Variants in RAI14 observed in about 807,000 individuals in gnomAD.
RAI14 encodes retinoic acid induced 14.
RAI14 carries 45 observed loss-of-function variants against 115.4 expected under a neutral mutation model. That is an observed-to-expected ratio of 0.39 (90% confidence interval 0.31 to 0.50). RAI14 has a LOEUF of 0.50. Ranked by LOEUF, RAI14 falls within the 20% of genes least tolerant of loss-of-function variation. The probability of loss-of-function intolerance (pLI) is 0.85; values close to 1 mark genes in which losing one functional copy is unlikely to be tolerated. For synonymous variants in RAI14, 371 were observed against 415.4 expected, an observed-to-expected ratio of 0.89 and a Z score of 1.30; for missense variants, 939 against 1,131.2, an observed-to-expected ratio of 0.83 and a Z score of 2.44.
chr5:34,706,141 C>T (rs1740675963), intron 2 of RAI14, among the ~76,000 whole-genome samples: 1 of 152,118 alleles, frequency 6.6e-6, no homozygotes, highest in Non-Finnish European at 1.5e-5. Flanking sequence ...AATTGTTCTG[C>T]CCTAGTGTTA....
intron 2 of RAI14, among the ~76,000 whole-genome samples, chr5:34,735,438 A>G (rs1396413456): frequency 1.3e-5 from 2 of 152,172 alleles, no homozygotes; most frequent in Admixed American, 6.5e-5. Flanking sequence ...TACATTTTTC[A>G]TCATCTCTGA....
intron 2 of RAI14, among the ~76,000 whole-genome samples, chr5:34,692,646 T>A (rs1367161181): frequency 6.6e-6 from 1 of 151,526 alleles, no homozygotes; most frequent in African/African-American, 2.4e-5. Flanking sequence ...TTTAAAAAAA[T>A]CAGCAATGAC....
intron 4 of RAI14, among the ~76,000 whole-genome samples, chr5:34,803,368 C>A (rs540440876): frequency 6.6e-6 from 1 of 152,062 alleles, no homozygotes; most frequent in African/African-American, 2.4e-5. Context: ...CGCAACGTGG[C>A]GAAATCTCAT....
At chr5:34,819,749 G>T (rs1580361069) in intron 13 of RAI14, among the ~76,000 whole-genome samples, 1 of 152,068 alleles carries the variant, frequency 6.6e-6, no homozygotes, top group Admixed American at 6.5e-5. Flanking sequence ...GCAGAACTTA[G>T]AAATATTTTT....
chr5:34,721,955 C>G (rs911705589), intron 2 of RAI14, among the ~76,000 whole-genome samples: 1 of 152,126 alleles, frequency 6.6e-6, no homozygotes, highest in African/African-American at 2.4e-5. Context: ...GTAATCCACC[C>G]ACCTCGGCCT....
chr5:34,821,328 T>C (rs1299265425), intron 13 of RAI14, among the ~76,000 whole-genome samples: 1 of 152,186 alleles, frequency 6.6e-6, no homozygotes, highest in African/African-American at 2.4e-5. Flanking sequence ...TGATAAAGTC[T>C]TAACTACAGT....
intron 1 of RAI14, among the ~76,000 whole-genome samples, chr5:34,663,652 A>G (rs1175167055): frequency 6.6e-6 from 1 of 152,226 alleles, no homozygotes. Context: ...TGTCCAGTAG[A>G]GTATCTGCCA....
At chr5:34,679,549 A>G in intron 1 of RAI14, among the ~76,000 whole-genome samples, 1 of 152,190 alleles carries the variant, frequency 6.6e-6, no homozygotes, top group East Asian at 1.9e-4. Context: ...TTCTAGAATC[A>G]GGCTGAGAAA....
At position 34,830,874 on chromosome 5, in the gene RAI14, A is replaced by T; in HGVS notation, c.*109A>T. The T allele has an allele frequency of 1.3e-6, 2 of 1,524,072 alleles. No individual in the cohort carries two copies. 94.4% of individuals were successfully genotyped at this position (1,524,072 alleles called of 1,614,324 possible). ...TCATTCGTGGTATGCACTGTGGCCT[A>T]GCGTAGCTTCTTCCCTTTCCAAAGG... On this transcript the variant is annotated 3_prime_UTR_variant, in exon 18 of 18. Transcript: ENST00000265109.
intron 3 of RAI14, among the ~76,000 whole-genome samples, chr5:34,787,932 T>C (rs1268713032): frequency 1.6e-5 from 2 of 128,752 alleles, no homozygotes; most frequent in East Asian, 4.3e-4. Context: ...TTTTTTTTTT[T>C]TGAGACAGGG....
intron 3 of RAI14, among the ~76,000 whole-genome samples, chr5:34,758,928 A>G (rs1392159792): frequency 1.3e-5 from 2 of 152,170 alleles, no homozygotes; most frequent in Non-Finnish European, 2.9e-5. Flanking sequence ...CCAAGGGGTA[A>G]GAAACCTGGG....
intron 2 of RAI14, among the ~76,000 whole-genome samples, chr5:34,752,713 G>GTA (rs1747221247): frequency 1.3e-5 from 1 of 75,522 alleles, no homozygotes; most frequent in African/African-American, 5.4e-5. Context: ...ATGTGTGTGT[G>GTA]TGTGTGTGTG....
intron 3 of RAI14, among the ~76,000 whole-genome samples, chr5:34,790,388 C>G (rs1172675963): frequency 6.6e-6 from 1 of 152,160 alleles, no homozygotes; most frequent in East Asian, 1.9e-4. Context: ...GTGCCTATTT[C>G]TTCTGCATTT....
At chr5:34,728,183 C>T (rs1743718184) in intron 2 of RAI14, among the ~76,000 whole-genome samples, 1 of 152,168 alleles carries the variant, frequency 6.6e-6, no homozygotes, top group Admixed American at 6.5e-5. Context: ...TGTCTGTACC[C>T]CCACTGTATC....
At chr5:34,784,088 G>T (rs1751999976) in intron 3 of RAI14, among the ~76,000 whole-genome samples, 1 of 152,238 alleles carries the variant, frequency 6.6e-6, no homozygotes, top group Non-Finnish European at 1.5e-5. Context: ...CATTTGGCAA[G>T]TTGGGCGTCG....
At position 34,757,598 on chromosome 5, in the gene RAI14, C is replaced by G. The variant is rs770822671; in HGVS notation, c.167C>G (p.Ala56Gly). 6.2e-7 allele frequency: 1 copy of G among 1,605,882 alleles called. No individual in the cohort carries two copies. Among genetic ancestry groups the G allele is most frequent in the Middle Eastern group, 1.7e-4 (1 of 5,776 alleles). ...ATKHDSEGKT[A>G]FHLAAAKGHV... ...AAACACGACAGTGAGGGCAAGACCG[C>G]GTAAGCTGAAACACTGGTTTGCAGA... is the stretch of plus-strand genomic sequence containing the variant. Residue 56 changes from alanine to glycine, a missense_variant and splice_region_variant, in exon 3 of 18, where the codon GCT (alanine) becomes GGT (glycine). Coordinates refer to ENST00000265109, the MANE Select transcript of RAI14 (RefSeq NM_015577.3).
intron 1 of RAI14, among the ~76,000 whole-genome samples, chr5:34,671,499 A>G (rs1395202422): frequency 6.6e-6 from 1 of 152,160 alleles, no homozygotes; most frequent in Non-Finnish European, 1.5e-5. Context: ...TTAATTTTAC[A>G]TCTGCTTTGT....
intron 2 of RAI14, among the ~76,000 whole-genome samples, chr5:34,690,914 A>C (rs1738510790): frequency 6.6e-6 from 1 of 152,052 alleles, no homozygotes; most frequent in East Asian, 1.9e-4. Flanking sequence ...CGGTGGGAGG[A>C]GAAAAAAACA....
At chr5:34,693,240 A>G (rs1180773150) in intron 2 of RAI14, among the ~76,000 whole-genome samples, 10 of 152,138 alleles carry the variant, frequency 6.6e-5, no homozygotes, top group Admixed American at 6.5e-4. Flanking sequence ...ACACAAGTCA[A>G]CCCTTAACAC....
Sources: gnomAD v4.1 joint callset for allele counts (sites outside exome capture counted in the v4.1 genomes callset) on GRCh38, gnomAD v4.1.1 for gene constraint, MANE v1.5 for transcripts, NCBI Gene and HGNC (gene_info 2026-07-23, HGNC 2026-07-21) for gene names.